Variants in NKAIN3 observed in about 807,000 individuals in gnomAD.
NKAIN3 encodes the protein sodium/potassium transporting ATPase interacting 3.
A neutral mutation model predicts 30.2 loss-of-function variants in NKAIN3; 25 were observed. The observed-to-expected ratio is 0.83, with a 90% CI of 0.60 to 1.16. The LOEUF is 1.16. Among genes scored for constraint, NKAIN3 ranks in the 50% most tolerant of loss-of-function variants. The pLI is 0.00. For synonymous variants in NKAIN3, 91 were observed against 89.6 expected (o/e 1.02, Z -0.09); for missense variants, 225 against 254.1 (o/e 0.89, Z 0.78).
intron 3 of NKAIN3, among the ~76,000 whole-genome samples, chr8:62,729,709 G>A (rs1815407512): frequency 6.6e-6 from 1 of 152,104 alleles, no homozygotes; most frequent in Non-Finnish European, 1.5e-5. Context: ...TTATGTTTCA[G>A]AGATTACCCT....
chr8:62,758,892 T>A (rs754335152), intron 4 of NKAIN3, among the ~76,000 whole-genome samples: 6 of 152,212 alleles, frequency 3.9e-5, no homozygotes, highest in Non-Finnish European at 7.3e-5. Flanking sequence ...ATATGAATTT[T>A]TGAGAACATG....
intron 1 of NKAIN3, among the ~76,000 whole-genome samples, chr8:62,494,742 T>C (rs1160588173): frequency 6.6e-6 from 1 of 151,952 alleles, no homozygotes; most frequent in Non-Finnish European, 1.5e-5. Flanking sequence ...CTTAGGAGGG[T>C]GTTATGTGTC....
rs71559384 is a variant in NKAIN3, at chr8:62,950,944, C to CTTT, written c.533-2935_533-2933dup. Among the ~76,000 whole-genome samples the CTTT allele has an allele frequency of 2.6e-4, 26 of 100,658 alleles. No individual in the cohort carries two copies. The South Asian group carries it at 3.1e-3, about 12-fold the overall frequency. 66.0% of individuals were successfully genotyped at this position (100,658 alleles called of 152,430 possible). On this transcript the variant is annotated intron_variant, in intron 5 of 6. Transcript: ENST00000623646. ...AGATGCATGAGCAATAAACAGAATCCTTTTTTTTTTTTTTTTTTTTTTTTT... is the reference window on the plus strand; with the variant it reads ...AGATGCATGAGCAATAAACAGAATCCTTTTTTTTTTTTTTTTTTTTTTTTTTTT...
chr8:62,802,523 A>C (rs1293802425), intron 4 of NKAIN3, among the ~76,000 whole-genome samples: 1 of 152,182 alleles, frequency 6.6e-6, no homozygotes, highest in East Asian at 1.9e-4. Flanking sequence ...TAAGCTTCAT[A>C]AGTGAAGGAG....
At chr8:62,537,257 C>T (rs767774097) in intron 1 of NKAIN3, among the ~76,000 whole-genome samples, 2 of 152,106 alleles carry the variant, frequency 1.3e-5, no homozygotes, top group Non-Finnish European at 2.9e-5. Flanking sequence ...TCAGGAACAA[C>T]AGTGTAGTTA....
rs558753686 is a variant in NKAIN3 at position 62,689,300 on chromosome 8, C to A, written c.274-57632C>A. ...TCTCATGCTTACTCTGTCTAGCTGCCCTAGGCTCCTGCTCACAGAACACAG... is the reference window on the plus strand; with the variant it reads ...TCTCATGCTTACTCTGTCTAGCTGCACTAGGCTCCTGCTCACAGAACACAG... On this transcript the variant is annotated intron_variant, in intron 3 of 6. Transcript: ENST00000623646. Among the ~76,000 whole-genome samples, 3 of 152,230 alleles carry A rather than the reference C, an allele frequency of 2.0e-5. No homozygotes were observed. The South Asian group carries it at 6.2e-4, about 32-fold the overall frequency.
In NKAIN3 at chr8:62,669,125, C is replaced by G. The variant is rs539867730; in HGVS notation, c.274-77807C>G. Among the ~76,000 whole-genome samples, 17 of 152,298 alleles carry G rather than the reference C, an allele frequency of 1.1e-4. No individual in the cohort carries two copies. In the East Asian group the frequency reaches 3.1e-3, roughly 28 times the overall value. ...CCTCATCTTTTAAGGCAAAGCCTCA[C>G]TCACTCCAGGGAGTCCCCAGCCAAT... On this transcript the variant is annotated intron_variant, in intron 3 of 6. Coordinates refer to ENST00000623646, the MANE Select transcript of NKAIN3 (RefSeq NM_001304533.3).
intron 1 of NKAIN3, among the ~76,000 whole-genome samples, chr8:62,312,823 C>CAA (rs56252388): frequency 0.016 from 2,256 of 142,372 alleles, 25 homozygotes; most frequent in Middle Eastern, 0.029. Flanking sequence ...AACCTTGTCT[C>CAA]AAAAAAAAAA....
At chr8:62,346,189 A>G (rs1816000760) in intron 1 of NKAIN3, among the ~76,000 whole-genome samples, 1 of 152,108 alleles carries the variant, frequency 6.6e-6, no homozygotes, top group Non-Finnish European at 1.5e-5. Flanking sequence ...AAAGTAACAT[A>G]TATTTCAAGA....
chr8:62,695,513 T>C (rs1370148701), intron 3 of NKAIN3, among the ~76,000 whole-genome samples: 1 of 152,150 alleles, frequency 6.6e-6, no homozygotes, highest in Non-Finnish European at 1.5e-5. Context: ...TAATACTGGG[T>C]ATCTCTGAAA....
intron 1 of NKAIN3, among the ~76,000 whole-genome samples, chr8:62,302,873 G>A (rs958035689): frequency 6.6e-6 from 1 of 150,922 alleles, no homozygotes; most frequent in South Asian, 2.1e-4. Context: ...ATGCTCCCTG[G>A]GATTTCTTTA....
chr8:62,835,872 A>C (rs558280859), intron 4 of NKAIN3, among the ~76,000 whole-genome samples: 10 of 152,256 alleles, frequency 6.6e-5, no homozygotes, highest in African/African-American at 2.2e-4. Flanking sequence ...TCTACCAAAA[A>C]AACACATGCA....
intron 4 of NKAIN3, among the ~76,000 whole-genome samples, chr8:62,850,639 G>T (rs1227426785): frequency 1.3e-5 from 2 of 151,918 alleles, no homozygotes; most frequent in Non-Finnish European, 2.9e-5. Flanking sequence ...TGTATAAGGT[G>T]TAAGGAAGGG....
At position 62,973,924 on chromosome 8, in the gene NKAIN3, C is replaced by G. The variant is rs1823889182; in HGVS notation, c.*8517C>G. On this transcript the variant is annotated 3_prime_UTR_variant, in exon 7 of 7. Transcript: ENST00000623646. ...CAGCACCATTTATTAAATAGGAAAT[C>G]CTTTCCCCATTGCTTGTTTTTATCA... Among the ~76,000 whole-genome samples, 2 of 152,136 alleles carry G rather than the reference C, an allele frequency of 1.3e-5. No individual in the cohort carries two copies. Among genetic ancestry groups the G allele is most frequent in the South Asian group, 4.1e-4 (2 of 4,830 alleles).
chr8:62,522,866 G>C (rs1200164146), intron 1 of NKAIN3, among the ~76,000 whole-genome samples: 2 of 151,952 alleles, frequency 1.3e-5, no homozygotes, highest in African/African-American at 4.8e-5. Context: ...AAATTAAAAA[G>C]TTTATAAAGT....
rs1377743972 is a variant in NKAIN3 at position 62,579,595 on chromosome 8, T to G, written c.111T>G (p.Ile37Met). 3 of 1,611,356 alleles carry G rather than the reference T, an allele frequency of 1.9e-6. No homozygotes were observed. The highest frequency in any genetic ancestry group is 1.7e-6 in the Non-Finnish European group (2 of 1,178,024). The change falls in exon 2 of 7, where the codon ATT (isoleucine) becomes ATG (methionine). Residue 37 changes from isoleucine (I) to methionine (M), a missense_variant. By Grantham distance (10) the Ile-to-Met change is conservative. Coordinates refer to ENST00000623646, the MANE Select transcript of NKAIN3 (RefSeq NM_001304533.3). The part of the protein sequence containing the change: ...FDFLGFQWAP[I>M]LGNFLHIIVV... ...TCCTTGGTTTCCAGTGGGCGCCTAT[T>G]CTTGGAAATTTTCTACACATAATAG...
chr8:62,765,342 G>C (rs1816801717), intron 4 of NKAIN3, among the ~76,000 whole-genome samples: 1 of 151,544 alleles, frequency 6.6e-6, no homozygotes, highest in East Asian at 1.9e-4. Context: ...ATCAGAGCAT[G>C]AGTGTGCAAA....
At chr8:62,586,061 C>G (rs1810461811) in intron 2 of NKAIN3, among the ~76,000 whole-genome samples, 1 of 152,074 alleles carries the variant, frequency 6.6e-6, no homozygotes, top group Non-Finnish European at 1.5e-5. Context: ...AAAATTAGCT[C>G]AAAACTGCCT....
intron 3 of NKAIN3, among the ~76,000 whole-genome samples, chr8:62,612,275 T>C (rs181540752): frequency 2.2e-4 from 34 of 152,182 alleles, no homozygotes; most frequent in Admixed American, 2.2e-3. Flanking sequence ...TAATATTTCC[T>C]TTCTATATCT....
Sources: allele counts gnomAD v4.1 joint callset (sites outside exome capture counted in the v4.1 genomes callset), GRCh38; gene constraint gnomAD v4.1.1; transcripts MANE v1.5; gene names NCBI Gene and HGNC (gene_info 2026-07-23, HGNC 2026-07-21).